RBFOX3: variants seen among roughly 807,000 people sequenced by gnomAD.
RBFOX3 encodes the protein RNA binding protein fox-1 homolog 3.
RBFOX3 carries 17 observed loss-of-function variants against 48.7 expected under a neutral mutation model. The observed-to-expected ratio is 0.35, with a 90% CI of 0.24 to 0.52. The LOEUF (loss-of-function observed/expected upper bound fraction) is 0.52. Among genes scored for constraint, RBFOX3 ranks in the 20% least tolerant of loss-of-function variants. The pLI is 0.94. For synonymous variants in RBFOX3, 212 were observed against 209.5 expected, an observed-to-expected ratio of 1.01 and a Z score of -0.10; for missense variants, 382 against 497.5, an observed-to-expected ratio of 0.77 and a Z score of 2.21.
At chr17:79,527,031 G>A (rs2086890122) in intron 1 of RBFOX3, among the ~76,000 whole-genome samples, 1 of 152,116 alleles carries the variant, frequency 6.6e-6, no homozygotes, top group Admixed American at 6.5e-5. Context: ...TCAGGCATCT[G>A]CCTCTGCCCC....
chr17:79,619,994 T>C, the RBFOX3 span, among the ~76,000 whole-genome samples: 1 of 150,974 alleles, frequency 6.6e-6, no homozygotes, highest in Non-Finnish European at 1.5e-5. Flanking sequence ...CACACGCACA[T>C]GCACACACAT....
intron 3 of RBFOX3, among the ~76,000 whole-genome samples, chr17:79,267,948 G>T (rs568537482): frequency 8.1e-4 from 124 of 152,256 alleles, no homozygotes; most frequent in African/African-American, 2.9e-3. Context: ...CTATCCACAC[G>T]ATTTCTAAAA....
chr17:79,441,795 CG>C (rs1335292308), intron 2 of RBFOX3, among the ~76,000 whole-genome samples: 2 of 152,190 alleles, frequency 1.3e-5, no homozygotes, highest in African/African-American at 4.8e-5. Context: ...AACACACACT[CG>C]TGGCCCACAG....
rs1222598989 is a variant in RBFOX3, at chr17:79,423,781, T to G, written c.-175+58673A>C. ...AGGGCTGCCCATCAGCAAATCCCCT[T>G]GCAACTTCTCCATCGTCCACGAGGC... On this transcript the variant is annotated intron_variant, in intron 2 of 14. Transcript: ENST00000693108. This position sits in a 1 kb window ranked among gnomAD's most constrained non-coding sequence, Gnocchi z 4.9. The G allele has an allele frequency of 1.3e-5, 2 of 153,694 alleles. No individual in the cohort carries two copies. Among genetic ancestry groups the G allele is most frequent in the Non-Finnish European group, 2.9e-5 (2 of 68,118 alleles). The allele number at this position is 153,694 out of a possible 1,614,324, so 9.5% of individuals were successfully genotyped here. A position where few individuals can be genotyped will look rare whatever the true frequency, so the allele number is the denominator to read the frequency against.
rs555430046 is a variant in RBFOX3, at chr17:79,116,760, C to T, written c.-33-1012G>A. On this transcript the variant is annotated intron_variant, in intron 4 of 14. Transcript: ENST00000693108. ...CTGTGCCCCCTCAAAGGCCTGCTGC[C>T]CCAAGCGGGGAATACTGCTCCTGCA... Among the ~76,000 whole-genome samples, 25 of 152,364 alleles carry T rather than the reference C, an allele frequency of 1.6e-4. 1 individual carries two copies. The highest frequency in any genetic ancestry group is 1.6e-3 in the Admixed American group (25 of 15,308).
chr17:79,155,409 C>T (rs922194647), intron 4 of RBFOX3, among the ~76,000 whole-genome samples: 1 of 152,250 alleles, frequency 6.6e-6, no homozygotes, highest in Non-Finnish European at 1.5e-5. Context: ...CAGGGAGGTC[C>T]GGGGCGGCAG....
At chr17:79,656,831 AAAG>A in the RBFOX3 span, among the ~76,000 whole-genome samples, 1 of 134,432 alleles carries the variant, frequency 7.4e-6, no homozygotes, top group Non-Finnish European at 1.6e-5. Flanking sequence ...GAAAGAAAGA[AAAG>A]AAAGAAAGAA....
At chr17:79,620,429 G>GTGCACACATGCACA in the RBFOX3 span, among the ~76,000 whole-genome samples, 191 of 111,616 alleles carry the variant, frequency 1.7e-3, no homozygotes, top group Non-Finnish European at 2.4e-3. Flanking sequence ...ACACACGCAC[G>GTGCACACATGCACA]TGCACACATG....
intron 3 of RBFOX3, among the ~76,000 whole-genome samples, chr17:79,273,621 G>A (rs867026112): frequency 1.3e-5 from 2 of 152,216 alleles, no homozygotes. Flanking sequence ...GGGGGGCAGC[G>A]TGAGGCTGGC....
intron 2 of RBFOX3, among the ~76,000 whole-genome samples, chr17:79,367,831 G>C (rs2147494564): frequency 6.6e-6 from 1 of 152,296 alleles, no homozygotes; most frequent in Admixed American, 6.5e-5. Context: ...CCCCAGGAAG[G>C]CTGCTCACCT....
chr17:79,124,137 A>G (rs1220713276), intron 4 of RBFOX3, among the ~76,000 whole-genome samples: 1 of 152,222 alleles, frequency 6.6e-6, no homozygotes, highest in African/African-American at 2.4e-5. Context: ...CTCCAGGTCT[A>G]GTGACCACAC....
intron 3 of RBFOX3, among the ~76,000 whole-genome samples, chr17:79,301,798 G>A (rs1332197917): frequency 6.6e-6 from 1 of 152,208 alleles, no homozygotes; most frequent in Admixed American, 6.5e-5. Flanking sequence ...TCCTGACACA[G>A]GCCACAATGT....
At position 79,472,331 on chromosome 17, in the gene RBFOX3, G is replaced by A. The variant is rs1201016643; in HGVS notation, c.-175+10123C>T. On this transcript the variant is annotated intron_variant, in intron 2 of 14. Transcript: ENST00000693108. ...TGCAAAAATAGTACAGAAAATTCCC[G>A]TGCACCCTTCTATTATGGACTGAAT... 2.0e-5 allele frequency among the ~76,000 whole-genome samples: 3 copies of A among 152,138 alleles called. 1 individual carries two copies. Among genetic ancestry groups the A allele is most frequent in the South Asian group, 4.1e-4 (2 of 4,824 alleles).
At chr17:79,365,101 C>T (rs191639183) in intron 2 of RBFOX3, among the ~76,000 whole-genome samples, 3 of 151,988 alleles carry the variant, frequency 2.0e-5, no homozygotes, top group East Asian at 3.9e-4. Context: ...CTACCCTCAA[C>T]ACTTTAGTTT....
upstream of RBFOX3, among the ~76,000 whole-genome samples, chr17:79,612,649 A>G (rs2093977586): frequency 6.6e-6 from 1 of 152,182 alleles, no homozygotes; most frequent in South Asian, 2.1e-4. Flanking sequence ...ACAGCTAACC[A>G]CCAGATAAAT....
intron 3 of RBFOX3, among the ~76,000 whole-genome samples, chr17:79,255,558 G>A (rs1039410185): frequency 2.0e-5 from 3 of 152,112 alleles, no homozygotes; most frequent in African/African-American, 4.8e-5. Flanking sequence ...GCCAGAAGCC[G>A]AGGCTAGCAT....
chr17:79,449,794 T>A lies in RBFOX3; in HGVS notation c.-175+32660A>T, dbSNP rs115446726. 2.1e-3 allele frequency among the ~76,000 whole-genome samples: 316 copies of A among 151,880 alleles called. 1 individual carries two copies. Among genetic ancestry groups the A allele is most frequent in the African/African-American group, 7.3e-3 (300 of 41,376 alleles). ...TCACTTCTGCACTAAGAAAGGAGAGTGGTCTGGGCAGGAGAAGACTCAAGG... is the reference window on the plus strand; with the variant it reads ...TCACTTCTGCACTAAGAAAGGAGAGAGGTCTGGGCAGGAGAAGACTCAAGG... On this transcript the variant is annotated intron_variant, in intron 2 of 14. Coordinates refer to ENST00000693108, the MANE Select transcript of RBFOX3 (RefSeq NM_001350451.2).
intron 4 of RBFOX3, among the ~76,000 whole-genome samples, chr17:79,131,364 A>T (rs1458684397): frequency 6.6e-6 from 1 of 152,220 alleles, no homozygotes; most frequent in Non-Finnish European, 1.5e-5. Context: ...TCTGGACAGG[A>T]AAACAAGCCC....
At chr17:79,556,415 G>A (rs1197311820) in intron 1 of RBFOX3, among the ~76,000 whole-genome samples, 1 of 152,172 alleles carries the variant, frequency 6.6e-6, no homozygotes, top group Non-Finnish European at 1.5e-5. Flanking sequence ...GGGCCGAGGA[G>A]GGGACAGACC....
Sources: allele counts gnomAD v4.1 joint callset (sites outside exome capture counted in the v4.1 genomes callset), GRCh38; gene constraint gnomAD v4.1.1; non-coding constraint Gnocchi (gnomAD v3.1); transcripts MANE v1.5; gene names NCBI Gene and HGNC (gene_info 2026-07-23, HGNC 2026-07-21).